CLIC2: variants seen among roughly 807,000 people sequenced by gnomAD.
The protein encoded by CLIC2 is CLIC family member 2.
CLIC2 carries 9 observed loss-of-function variants against 14.8 expected under a neutral mutation model. The observed-to-expected ratio is 0.61, with a 90% CI of 0.37 to 1.06. The LOEUF (loss-of-function observed/expected upper bound fraction) is 1.06. Ranked by LOEUF, CLIC2 falls within the 50% of genes least tolerant of loss-of-function variation. The pLI is 0.01. For missense variants in CLIC2, 148 were observed against 181.4 expected, an observed-to-expected ratio of 0.82 and a Z score of 1.06; for synonymous variants, 61 against 66.3, an observed-to-expected ratio of 0.92 and a Z score of 0.39.
chrX:155,308,320 G>T (rs1384186357), intron 1 of CLIC2, among the ~76,000 whole-genome samples: 5 of 108,738 alleles, frequency 4.6e-5, no homozygotes, highest in African/African-American at 1.7e-4. Flanking sequence ...GCAGAAGAAA[G>T]AATTAATGAG....
At chrX:155,321,207 C>T (rs183738261) in intron 1 of CLIC2, among the ~76,000 whole-genome samples, 26 of 111,580 alleles carry the variant, frequency 2.3e-4, no homozygotes, top group Non-Finnish European at 3.8e-4. Context: ...TCTGGAAATA[C>T]AGAGAACACC....
In CLIC2 at chrX:155,291,398, G is replaced by A. The variant is rs191415027; in HGVS notation, c.293+7387C>T. 1.2e-3 allele frequency: 696 copies of A among 567,933 alleles called. 1 individual carries two copies. The highest frequency in any genetic ancestry group is 3.1e-3 in the Admixed American group (131 of 42,315). 46.8% of individuals were successfully genotyped at this position (567,933 alleles called of 1,213,427 possible). ...GACGTGGCGGCGGCCACTAGCTCCT[G>A]GCTCCGATGCTGAGTGCAGCCGAGT... On this transcript the variant is annotated intron_variant, in intron 3 of 5. Transcript: ENST00000369449.
At chrX:155,293,808 A>T (rs1557318077) in intron 3 of CLIC2, among the ~76,000 whole-genome samples, 1 of 111,867 alleles carries the variant, frequency 8.9e-6, no homozygotes, top group African/African-American at 3.2e-5. Flanking sequence ...AAGTGAAAAA[A>T]GGACTAAAAC....
intron 3 of CLIC2, chrX:155,292,714 G>T (rs2074977260): frequency 5.4e-6 from 2 of 373,489 alleles, no homozygotes; most frequent in Admixed American, 4.7e-5. Context: ...AGCTTGCAGT[G>T]AGCCGAGATC....
Position 155,291,404 on chromosome X carries a change from G to A in CLIC2, c.293+7381C>T, listed in dbSNP as rs2074964546. On this transcript the variant is annotated intron_variant, in intron 3 of 5. Coordinates refer to ENST00000369449, the MANE Select transcript of CLIC2 (RefSeq NM_001289.6). ...GCGGCGGCCACTAGCTCCTGGCTCCGATGCTGAGTGCAGCCGAGTATGGGG... is the reference window on the plus strand; with the variant it reads ...GCGGCGGCCACTAGCTCCTGGCTCCAATGCTGAGTGCAGCCGAGTATGGGG... 5 of 546,531 alleles carry A rather than the reference G, an allele frequency of 9.1e-6. No homozygotes were observed. The East Asian group carries it at 1.0e-4, about 11-fold the overall frequency. 45.0% of individuals were successfully genotyped at this position (546,531 alleles called of 1,213,427 possible). A position where few individuals can be genotyped will look rare whatever the true frequency, so the allele number is the denominator to read the frequency against.
chrX:155,296,442 T>C (rs782439399), intron 3 of CLIC2, among the ~76,000 whole-genome samples: 1 of 111,852 alleles, frequency 8.9e-6, no homozygotes, highest in Admixed American at 9.5e-5. Context: ...CTTCTGGACA[T>C]TGTTCTAGAC....
chrX:155,308,955 A>G (rs925506431), intron 1 of CLIC2, among the ~76,000 whole-genome samples: 19 of 112,042 alleles, frequency 1.7e-4, no homozygotes, highest in Non-Finnish European at 2.8e-4. Context: ...ATGACAAATA[A>G]GTAATCACCA....
In CLIC2 at chrX:155,291,406, T is replaced by A. The variant is rs188501614; in HGVS notation, c.293+7379A>T. On this transcript the variant is annotated intron_variant, in intron 3 of 5. Transcript: ENST00000369449. Reference sequence around the variant, plus strand: ...GGCGGCCACTAGCTCCTGGCTCCGATGCTGAGTGCAGCCGAGTATGGGGTT... The same window carrying A: ...GGCGGCCACTAGCTCCTGGCTCCGAAGCTGAGTGCAGCCGAGTATGGGGTT... The A allele has an allele frequency of 8.2e-4, 448 of 544,305 alleles. 1 individual carries two copies. In the African/African-American group the frequency reaches 9.1e-3, roughly 11 times the overall value. 44.9% of individuals were successfully genotyped at this position (544,305 alleles called of 1,213,427 possible).
chrX:155,316,338 T>C (rs2075095164), intron 1 of CLIC2, among the ~76,000 whole-genome samples: 1 of 112,088 alleles, frequency 8.9e-6, no homozygotes, highest in Admixed American at 9.5e-5. Flanking sequence ...ACATGGAACA[T>C]TCTCCAAGAT....
intron 1 of CLIC2, among the ~76,000 whole-genome samples, chrX:155,305,079 A>G (rs1257299429): frequency 8.0e-5 from 9 of 112,373 alleles, no homozygotes; most frequent in Non-Finnish European, 5.6e-5. Flanking sequence ...AGAGGCAGGC[A>G]GACCTCTTTG....
chrX:155,325,401 A>T (rs1216951538), intron 1 of CLIC2, among the ~76,000 whole-genome samples: 1 of 111,471 alleles, frequency 9.0e-6, no homozygotes, highest in African/African-American at 3.3e-5. Flanking sequence ...AATGTGGCAC[A>T]GATACACCAT....
At chrX:155,296,885 A>G (rs1487141825) in intron 3 of CLIC2, among the ~76,000 whole-genome samples, 1 of 111,892 alleles carries the variant, frequency 8.9e-6, no homozygotes, top group Non-Finnish European at 1.9e-5. Flanking sequence ...TATAGCCACT[A>G]TGGAAAACAG....
rs1166332935 is a variant in CLIC2 at position 155,299,271 on chromosome X, T to C, written c.58-126A>G. The C allele has an allele frequency of 7.7e-6, 4 of 519,169 alleles. No individual in the cohort carries two copies. The East Asian group carries it at 1.1e-4, about 14-fold the overall frequency. The allele number at this position is 519,169 out of a possible 1,213,427, so 42.8% of individuals were successfully genotyped here. On this transcript the variant is annotated intron_variant, in intron 1 of 5. Transcript: ENST00000369449. ...ATTCTTAATCTCATGTACTCCATCA[T>C]CTATGGACAGAGAGATATAGGGAAG...
At chrX:155,313,377 A>G (rs2075081998) in intron 1 of CLIC2, among the ~76,000 whole-genome samples, 1 of 111,144 alleles carries the variant, frequency 9.0e-6, no homozygotes, top group Admixed American at 9.5e-5. Flanking sequence ...TATCTACCCA[A>G]AGAGATATAA....
intron 1 of CLIC2, among the ~76,000 whole-genome samples, chrX:155,314,955 G>A (rs1557320958): frequency 9.0e-6 from 1 of 111,576 alleles, no homozygotes; most frequent in East Asian, 2.8e-4. Flanking sequence ...AATGCAAAAT[G>A]CACTGGAAAG....
At chrX:155,312,771 AATG>A (rs2075078874) in intron 1 of CLIC2, among the ~76,000 whole-genome samples, 1 of 111,645 alleles carries the variant, frequency 9.0e-6, no homozygotes, top group Non-Finnish European at 1.9e-5. Flanking sequence ...TGGCCATTTT[AATG>A]ATATTTATTT....
chrX:155,299,525 T>C (rs1260866532), intron 1 of CLIC2, among the ~76,000 whole-genome samples: 1 of 111,421 alleles, frequency 9.0e-6, no homozygotes, highest in East Asian at 2.8e-4. Context: ...AAATGGTCAG[T>C]AAAATGTATG....
intron 1 of CLIC2, among the ~76,000 whole-genome samples, chrX:155,331,755 A>G (rs2075157643): frequency 9.0e-6 from 1 of 110,999 alleles, no homozygotes; most frequent in Non-Finnish European, 1.9e-5. Context: ...TATATCCTCC[A>G]GACACCATAC....
At chrX:155,290,369 C>T in intron 3 of CLIC2, 1 of 419,187 alleles carries the variant, frequency 2.4e-6, no homozygotes, top group Non-Finnish European at 4.3e-6. Flanking sequence ...TCAGTAGTAG[C>T]TTCATTTTCC....
Sources: allele counts gnomAD v4.1 joint callset (sites outside exome capture counted in the v4.1 genomes callset), GRCh38; gene constraint gnomAD v4.1.1; transcripts MANE v1.5; gene names NCBI Gene and HGNC (gene_info 2026-07-23, HGNC 2026-07-21).